The following TRAPPC9 variants were observed in gnomAD, a reference collection of about 807,000 sequenced individuals.
TRAPPC9 encodes IKK2 binding protein.
TRAPPC9 carries 83 observed loss-of-function variants against 124.0 expected under a neutral mutation model. The observed-to-expected ratio is 0.67, with a 90% CI of 0.56 to 0.80. The LOEUF is 0.80. Among genes scored for constraint, TRAPPC9 ranks in the 30% least tolerant of loss-of-function variants. The pLI, the probability that TRAPPC9 is intolerant of heterozygous loss-of-function variation, is 0.00. For missense variants in TRAPPC9, 1,302 were observed against 1,508.3 expected, an observed-to-expected ratio of 0.86 and a Z score of 2.27; for synonymous variants, 638 against 617.5, an observed-to-expected ratio of 1.03 and a Z score of -0.49.
intron 8 of TRAPPC9, among the ~76,000 whole-genome samples, chr8:140,370,429 C>T (rs1436222361): frequency 2.0e-5 from 3 of 152,114 alleles, no homozygotes; most frequent in Non-Finnish European, 1.5e-5. Context: ...AGTGAGCCAC[C>T]GTGCCTGGCC....
At chr8:139,790,361 A>G (rs1407585244) in intron 21 of TRAPPC9, among the ~76,000 whole-genome samples, 1 of 152,186 alleles carries the variant, frequency 6.6e-6, no homozygotes, top group South Asian at 2.1e-4. Context: ...TGAGAATGAA[A>G]GAGACCGGGG....
intron 18 of TRAPPC9, among the ~76,000 whole-genome samples, chr8:140,015,381 C>T (rs1839398898): frequency 6.6e-6 from 1 of 152,208 alleles, no homozygotes; most frequent in South Asian, 2.1e-4. Context: ...TACAAATCTT[C>T]ACCTGTGAGC....
rs1226768778 is a variant in TRAPPC9, at chr8:140,349,247, G to C, written c.1495+10803C>G. ...AGGGGGCCGAAGGGGGCACACGACG[G>C]AAGGGCACAGAGGGGGGCCGATGGG... On this transcript the variant is annotated intron_variant, in intron 9 of 22. Coordinates refer to ENST00000438773, the MANE Select transcript of TRAPPC9 (RefSeq NM_001160372.4). 1.5e-4 allele frequency among the ~76,000 whole-genome samples: 20 copies of C among 129,824 alleles called. 1 individual carries two copies. Among genetic ancestry groups the C allele is most frequent in the Non-Finnish European group, 2.3e-4 (14 of 59,648 alleles). The allele number at this position is 129,824 out of a possible 152,430, so 85.2% of individuals were successfully genotyped here.
chr8:139,793,157 G>A (rs946786505), intron 21 of TRAPPC9, among the ~76,000 whole-genome samples: 1 of 152,242 alleles, frequency 6.6e-6, no homozygotes, highest in East Asian at 1.9e-4. Context: ...TTCATCTCTC[G>A]GAGCCTACAT....
chr8:139,835,532 A>G (rs755400288), intron 21 of TRAPPC9, among the ~76,000 whole-genome samples: 1 of 152,220 alleles, frequency 6.6e-6, no homozygotes, highest in Non-Finnish European at 1.5e-5. Flanking sequence ...CTATTTTTGT[A>G]TCCACGAGAC....
At chr8:139,963,749 C>CAAAA (rs58224556) in intron 19 of TRAPPC9, among the ~76,000 whole-genome samples, 44 of 107,348 alleles carry the variant, frequency 4.1e-4, no homozygotes, top group Admixed American at 8.9e-4. Context: ...CCAGTTCTAC[C>CAAAA]AAAAAAAAAA....
chr8:140,024,827 A>G (rs1394276275), intron 17 of TRAPPC9, among the ~76,000 whole-genome samples: 1 of 135,622 alleles, frequency 7.4e-6, no homozygotes, highest in Non-Finnish European at 1.6e-5. Flanking sequence ...ATGAGGTGAC[A>G]GGCGGGGGCG....
chr8:140,385,805 TA>T (rs2068740131), intron 7 of TRAPPC9, among the ~76,000 whole-genome samples: 1 of 152,232 alleles, frequency 6.6e-6, no homozygotes, highest in Non-Finnish European at 1.5e-5. Flanking sequence ...GAATCCTCCC[TA>T]ACTCATTTTA....
chr8:140,225,115 T>C (rs1013265789), intron 16 of TRAPPC9, among the ~76,000 whole-genome samples: 1 of 152,244 alleles, frequency 6.6e-6, no homozygotes, highest in African/African-American at 2.4e-5. Flanking sequence ...GGGGCAAGCA[T>C]TCAGTAAAAA....
At chr8:139,812,427 C>T (rs761232016) in intron 21 of TRAPPC9, among the ~76,000 whole-genome samples, 3 of 152,104 alleles carry the variant, frequency 2.0e-5, no homozygotes, top group Non-Finnish European at 4.4e-5. Context: ...ACTACACCAG[C>T]GTACTCTATT....
chr8:139,930,346 C>T (rs564802698), intron 19 of TRAPPC9, among the ~76,000 whole-genome samples: 127 of 152,316 alleles, frequency 8.3e-4, no homozygotes, highest in African/African-American at 3.0e-3. Flanking sequence ...TGAGCAGTGG[C>T]AAGGCCAGCG....
chr8:139,852,139 T>C (rs1187548842), intron 21 of TRAPPC9, among the ~76,000 whole-genome samples: 2 of 152,206 alleles, frequency 1.3e-5, no homozygotes, highest in Admixed American at 6.5e-5. Flanking sequence ...ATAAGCTCTT[T>C]CTTTGCCTGC....
chr8:139,879,583 C>G (rs1459730192), intron 21 of TRAPPC9, among the ~76,000 whole-genome samples: 1 of 152,188 alleles, frequency 6.6e-6, no homozygotes, highest in African/African-American at 2.4e-5. Context: ...AGCCATCTCC[C>G]CTCCTCCCAA....
chr8:140,242,124 C>T (rs965024423), intron 16 of TRAPPC9, among the ~76,000 whole-genome samples: 2 of 142,686 alleles, frequency 1.4e-5, no homozygotes, highest in Admixed American at 6.9e-5. Context: ...CCCAGCAACA[C>T]GAAGAGGCAG....
At chr8:139,983,183 A>T (rs1303890192) in intron 19 of TRAPPC9, among the ~76,000 whole-genome samples, 1 of 152,180 alleles carries the variant, frequency 6.6e-6, no homozygotes, top group South Asian at 2.1e-4. Context: ...GCCTCCAACT[A>T]CGAAGCAGGA....
intron 17 of TRAPPC9, among the ~76,000 whole-genome samples, chr8:140,146,376 A>C (rs1257433665): frequency 6.6e-6 from 1 of 152,246 alleles, no homozygotes; most frequent in East Asian, 1.9e-4. Flanking sequence ...CTATCTGCCC[A>C]CTCAGAATAG....
At chr8:140,344,389 TG>T (rs2067276539) in intron 9 of TRAPPC9, among the ~76,000 whole-genome samples, 1 of 152,092 alleles carries the variant, frequency 6.6e-6, no homozygotes, top group South Asian at 2.1e-4. Flanking sequence ...GAAAATGAGG[TG>T]GGGAGAAGTT....
chr8:140,233,071 G>C (rs1415354356), intron 16 of TRAPPC9, among the ~76,000 whole-genome samples: 3 of 152,222 alleles, frequency 2.0e-5, no homozygotes, highest in Admixed American at 1.3e-4. Context: ...CCGAATCAAA[G>C]AAATCACAGA....
chr8:139,752,233 CCCATCCATCCATCCACCCATCTA>C (rs1563785394), intron 21 of TRAPPC9, among the ~76,000 whole-genome samples: 2 of 149,044 alleles, frequency 1.3e-5, no homozygotes, highest in Non-Finnish European at 3.0e-5. Flanking sequence ...CCAACATCTA[CCCATCCATCCATCCACCCATCTA>C]CCATCCATCC....
Sources: allele counts gnomAD v4.1 joint callset (sites outside exome capture counted in the v4.1 genomes callset), GRCh38; gene constraint gnomAD v4.1.1; transcripts MANE v1.5; gene names NCBI Gene and HGNC (gene_info 2026-07-23, HGNC 2026-07-21).